Variants in VTI1A observed in about 807,000 individuals in gnomAD.
VTI1A encodes vesicle transport through interaction with t-SNAREs 1A.
VTI1A carries 22 observed loss-of-function variants against 34.9 expected under a neutral mutation model. The observed-to-expected ratio is 0.63, with a 90% CI of 0.45 to 0.90. The LOEUF is 0.90. Ranked by LOEUF, VTI1A falls within the 40% of genes least tolerant of loss-of-function variation. The pLI, the probability that VTI1A is intolerant of heterozygous loss-of-function variation, is 0.00. For missense variants in VTI1A, 268 were observed against 275.6 expected, an observed-to-expected ratio of 0.97 and a Z score of 0.20; for synonymous variants, 87 against 97.3, an observed-to-expected ratio of 0.89 and a Z score of 0.62.
At chr10:112,595,616 C>T (rs1199680116) in intron 5 of VTI1A, among the ~76,000 whole-genome samples, 1 of 151,924 alleles carries the variant, frequency 6.6e-6, no homozygotes, top group Non-Finnish European at 1.5e-5. Flanking sequence ...AATGAGATAC[C>T]ATCTCACACC....
intron 5 of VTI1A, among the ~76,000 whole-genome samples, chr10:112,658,745 T>G (rs960782012): frequency 6.6e-6 from 1 of 152,128 alleles, no homozygotes; most frequent in African/African-American, 2.4e-5. Context: ...AAGCTATAAC[T>G]CAGTTCCAGC....
At chr10:112,626,865 G>A (rs1249839813) in intron 5 of VTI1A, among the ~76,000 whole-genome samples, 1 of 152,154 alleles carries the variant, frequency 6.6e-6, no homozygotes, top group African/African-American at 2.4e-5. Flanking sequence ...TCACACAAAT[G>A]CAGCCACAAA....
At chr10:112,792,387 C>T (rs1852513215) in intron 7 of VTI1A, among the ~76,000 whole-genome samples, 1 of 152,048 alleles carries the variant, frequency 6.6e-6, no homozygotes, top group African/African-American at 2.4e-5. Context: ...AAATGGGGGC[C>T]CAGAAGCAGA....
At chr10:112,573,994 A>ATAT (rs1204080374) in intron 5 of VTI1A, among the ~76,000 whole-genome samples, 3 of 152,212 alleles carry the variant, frequency 2.0e-5, no homozygotes, top group Non-Finnish European at 2.9e-5. Flanking sequence ...TCTTTATCTG[A>ATAT]ATATAATTGT....
intron 7 of VTI1A, among the ~76,000 whole-genome samples, chr10:112,747,181 C>T (rs1850927184): frequency 6.6e-6 from 1 of 152,234 alleles, no homozygotes; most frequent in Admixed American, 6.5e-5. Context: ...AAACACTTCC[C>T]ATAAATGGGG....
intron 7 of VTI1A, among the ~76,000 whole-genome samples, chr10:112,723,865 A>G (rs529851609): frequency 6.6e-6 from 1 of 152,334 alleles, no homozygotes; most frequent in South Asian, 2.1e-4. Context: ...GCAAGAGCGG[A>G]CATTATGTGC....
chr10:112,520,315 G>A (rs991927643), intron 3 of VTI1A, among the ~76,000 whole-genome samples: 2 of 152,078 alleles, frequency 1.3e-5, no homozygotes, highest in South Asian at 2.1e-4. Flanking sequence ...CAGCCACACC[G>A]TATTCAATAG....
chr10:112,513,685 A>G (rs1308245672), intron 3 of VTI1A, among the ~76,000 whole-genome samples: 2 of 151,822 alleles, frequency 1.3e-5, no homozygotes, highest in Non-Finnish European at 2.9e-5. Context: ...ATATTTATAG[A>G]CTTTATTGTG....
chr10:112,477,949 C>A (rs1848330001), intron 3 of VTI1A, among the ~76,000 whole-genome samples: 1 of 152,044 alleles, frequency 6.6e-6, no homozygotes, highest in African/African-American at 2.4e-5. Flanking sequence ...TAAAGTAAAG[C>A]TTAGGAGAAA....
In VTI1A at chr10:112,486,121, G is replaced by A. The variant is rs188426612; in HGVS notation, c.264+21464G>A. The stretch of plus-strand genomic sequence containing the variant: ...CACTTCTTATAACACTTTACCACGC[G>A]TATGTCTGTGCTAAGATCAAACAGT... On this transcript the variant is annotated intron_variant, in intron 3 of 7. Coordinates refer to ENST00000393077, the MANE Select transcript of VTI1A (RefSeq NM_145206.4). Among the ~76,000 whole-genome samples, 324 of 152,198 alleles carry A rather than the reference G, an allele frequency of 2.1e-3. 1 individual carries two copies. Among genetic ancestry groups the A allele is most frequent in the African/African-American group, 7.1e-3 (293 of 41,544 alleles).
chr10:112,488,693 C>G (rs1380059294), intron 3 of VTI1A, among the ~76,000 whole-genome samples: 1 of 152,104 alleles, frequency 6.6e-6, no homozygotes, highest in Non-Finnish European at 1.5e-5. Context: ...TCTAATTTCT[C>G]TGGTCTTCAT....
At chr10:112,480,945 C>T (rs1848442166) in intron 3 of VTI1A, among the ~76,000 whole-genome samples, 3 of 152,030 alleles carry the variant, frequency 2.0e-5, no homozygotes, top group African/African-American at 7.3e-5. Context: ...AAATACTGAG[C>T]CAGAGTATGG....
intron 5 of VTI1A, among the ~76,000 whole-genome samples, chr10:112,658,335 G>C (rs1019240714): frequency 1.3e-5 from 2 of 152,018 alleles, no homozygotes; most frequent in Admixed American, 1.3e-4. Context: ...GATCCTCCCA[G>C]CTGAGCCTCC....
At position 112,605,142 on chromosome 10, in the gene VTI1A, C is replaced by T. The variant is rs1042732722; in HGVS notation, c.428-63076C>T. ...TTCCATCCTGATCTTCCCCCACACT[C>T]GGCTCAATCTCCACAGGTTTTGCCC... On this transcript the variant is annotated intron_variant, in intron 5 of 7. Transcript: ENST00000393077. Among the ~76,000 whole-genome samples the T allele has an allele frequency of 3.3e-5, 5 of 152,174 alleles. No homozygotes were observed. The South Asian group carries it at 8.3e-4, about 25-fold the overall frequency.
chr10:112,794,765 C>A (rs1289930271), intron 7 of VTI1A, among the ~76,000 whole-genome samples: 2 of 151,962 alleles, frequency 1.3e-5, no homozygotes, highest in East Asian at 3.9e-4. Context: ...AATTAGTGGT[C>A]CTAATGATGA....
chr10:112,653,089 T>C (rs1847097961), intron 5 of VTI1A, among the ~76,000 whole-genome samples: 1 of 152,186 alleles, frequency 6.6e-6, no homozygotes, highest in Non-Finnish European at 1.5e-5. Flanking sequence ...AGGTTTCCAT[T>C]TGTTACTTGG....
chr10:112,810,815 G>T (rs541716915), intron 7 of VTI1A, among the ~76,000 whole-genome samples: 2 of 152,190 alleles, frequency 1.3e-5, no homozygotes, highest in Admixed American at 6.5e-5. Context: ...GAGGCCTCAC[G>T]CATGATATCA....
chr10:112,833,111 G>A, the VTI1A span, among the ~76,000 whole-genome samples: 3 of 152,152 alleles, frequency 2.0e-5, no homozygotes, highest in African/African-American at 2.4e-5. Context: ...GGGAGGACAG[G>A]CATGTGGCAA....
intron 3 of VTI1A, among the ~76,000 whole-genome samples, chr10:112,511,330 G>A (rs547793063): frequency 1.7e-4 from 25 of 149,134 alleles, no homozygotes; most frequent in Middle Eastern, 3.4e-3. Context: ...TGCAACCTCC[G>A]CCTCCTGGGT....
Sources: gnomAD v4.1 joint callset for allele counts (sites outside exome capture counted in the v4.1 genomes callset) on GRCh38, gnomAD v4.1.1 for gene constraint, MANE v1.5 for transcripts, NCBI Gene and HGNC (gene_info 2026-07-23, HGNC 2026-07-21) for gene names.